The following CLIP4 variants were observed in gnomAD, a reference collection of about 807,000 sequenced individuals.
The protein encoded by CLIP4 is CAP-Gly domain containing linker protein family member 4.
In CLIP4, 47 loss-of-function variants were observed where a neutral mutation model predicts 73.1. That is an observed-to-expected ratio of 0.64 (90% confidence interval 0.51 to 0.82). The LOEUF (loss-of-function observed/expected upper bound fraction) is 0.82. Among genes scored for constraint, CLIP4 ranks in the 40% least tolerant of loss-of-function variants. The pLI, the probability that CLIP4 is intolerant of heterozygous loss-of-function variation, is 0.00. For synonymous variants in CLIP4, 306 were observed against 295.4 expected, an observed-to-expected ratio of 1.04 and a Z score of -0.37; for missense variants, 874 against 852.9, an observed-to-expected ratio of 1.02 and a Z score of -0.31.
chr2:29,161,709 C>A (rs1263462619), intron 12 of CLIP4, among the ~76,000 whole-genome samples: 1 of 152,128 alleles, frequency 6.6e-6, no homozygotes, highest in African/African-American at 2.4e-5. Context: ...GTTTTTTGTT[C>A]CAGGAGAGGA....
intron 1 of CLIP4, among the ~76,000 whole-genome samples, chr2:29,117,002 A>G (rs930243892): frequency 2.6e-5 from 4 of 152,216 alleles, no homozygotes; most frequent in African/African-American, 4.8e-5. Context: ...TCCCTGTTCA[A>G]ACCTCAAACT....
At chr2:29,133,952 G>T (rs1665166170) in intron 5 of CLIP4, 136 bp downstream of exon 5, 6 of 697,152 alleles carry the variant, frequency 8.6e-6, no homozygotes, top group Non-Finnish European at 2.2e-6. Context: ...TTATTTCTGA[G>T]ATAGTTTAAA....
intron 10 of CLIP4, among the ~76,000 whole-genome samples, 161 bp downstream of exon 10, chr2:29,156,604 G>C (rs1666939419): frequency 6.6e-6 from 1 of 152,124 alleles, no homozygotes; most frequent in Non-Finnish European, 1.5e-5. Flanking sequence ...CTCATAGCAA[G>C]CTATATACAT....
At chr2:29,151,443 G>C (rs1169770399) in intron 8 of CLIP4, among the ~76,000 whole-genome samples, 1 of 152,022 alleles carries the variant, frequency 6.6e-6, no homozygotes, top group Non-Finnish European at 1.5e-5. Context: ...GTGTGTGTTA[G>C]GGAAGGAAAA....
intron 7 of CLIP4, 109 bp from the exon 8 acceptor site, chr2:29,145,123 T>A (rs565832402): frequency 6.9e-6 from 6 of 875,276 alleles, no homozygotes; most frequent in Non-Finnish European, 1.0e-5. Context: ...AAATTCACTT[T>A]GAGAGAGTGA....
chr2:29,163,158 C>G lies in CLIP4; in HGVS notation c.1535-673C>G, dbSNP rs535876721. 1.3e-5 allele frequency among the ~76,000 whole-genome samples: 2 copies of G among 151,922 alleles called. 1 individual carries two copies. The highest frequency in any genetic ancestry group is 1.3e-4 in the Admixed American group (2 of 15,262). ...CCTTGCTACTTTAATTTTAGGCTGT[C>G]TAGAAAAGGAAATCCTGTTATTTCC... On this transcript the variant is annotated intron_variant, in intron 12 of 15. Coordinates refer to ENST00000320081, the MANE Select transcript of CLIP4 (RefSeq NM_024692.6).
intron 1 of CLIP4, among the ~76,000 whole-genome samples, chr2:29,109,292 T>C (rs935893757): frequency 6.6e-6 from 1 of 152,178 alleles, no homozygotes. Context: ...TGTGCCACAG[T>C]GGCAATTTTC....
In CLIP4 at chr2:29,103,461, A is replaced by G. The variant is rs75508360; in HGVS notation, c.-16+5514A>G. 7.3e-3 allele frequency among the ~76,000 whole-genome samples: 1,113 copies of G among 152,030 alleles called. 12 individuals are homozygous for G. The highest frequency in any genetic ancestry group is 0.025 in the African/African-American group (1,047 of 41,516). On this transcript the variant is annotated intron_variant, in intron 1 of 14. Coordinates refer to the CLIP4 transcript ENST00000401605. ...ATATATATAATTTTAACACTTATTG[A>G]GTAATTATTCAACATCAGGGAGTGT...
chr2:29,157,155 G>T (rs1240792597), intron 10 of CLIP4, 49 bp from the exon 11 acceptor site: 2 of 1,527,630 alleles, frequency 1.3e-6, no homozygotes, highest in South Asian at 2.3e-5. Flanking sequence ...GCTGCTTCTT[G>T]GTCCACATCT....
At chr2:29,138,256 T>C (rs1665512782) in intron 6 of CLIP4, among the ~76,000 whole-genome samples, 2 of 152,078 alleles carry the variant, frequency 1.3e-5, no homozygotes, top group African/African-American at 4.8e-5. Context: ...CATCTATGAG[T>C]AGAGTGTCCT....
chr2:29,108,677 G>A (rs1668302288), intron 1 of CLIP4, among the ~76,000 whole-genome samples: 1 of 152,046 alleles, frequency 6.6e-6, no homozygotes, highest in Non-Finnish European at 1.5e-5. Context: ...TTATTTTTAA[G>A]GGAGCACATT....
chr2:29,146,465 T>G (rs139686443), intron 8 of CLIP4, among the ~76,000 whole-genome samples: 300 of 152,334 alleles, frequency 2.0e-3, no homozygotes, highest in Non-Finnish European at 3.5e-3. Flanking sequence ...CTGACAAATG[T>G]TTAAGTAAAT....
intron 12 of CLIP4, among the ~76,000 whole-genome samples, chr2:29,161,127 A>T (rs1368579958): frequency 6.6e-6 from 1 of 152,124 alleles, no homozygotes; most frequent in African/African-American, 2.4e-5. Context: ...GGCATGCGCC[A>T]CCACGCCCCG....
At chr2:29,150,021 C>G (rs1031681635) in intron 8 of CLIP4, among the ~76,000 whole-genome samples, 17 of 152,154 alleles carry the variant, frequency 1.1e-4, no homozygotes, top group Non-Finnish European at 2.9e-5. Context: ...TACATTTTCT[C>G]TCCTTTTCGT....
At chr2:29,163,295 G>A (rs1667406066) in intron 12 of CLIP4, among the ~76,000 whole-genome samples, 1 of 151,726 alleles carries the variant, frequency 6.6e-6, no homozygotes, top group South Asian at 2.1e-4. Context: ...TTTACCTTGG[G>A]TGGAAAAAAG....
chr2:29,157,164 C>T, intron 10 of CLIP4, 40 bp from the exon 11 acceptor site: 1 of 1,581,732 alleles, frequency 6.3e-7, no homozygotes, highest in South Asian at 1.1e-5. Context: ...TGGTCCACAT[C>T]TTATTTTCCA....
intron 8 of CLIP4, 126 bp from the exon 9 acceptor site, chr2:29,152,559 C>T (rs1666643817): frequency 5.3e-6 from 5 of 935,558 alleles, no homozygotes; most frequent in African/African-American, 1.7e-5. Context: ...TTTTTCCTCT[C>T]ATCATAGGAC....
intron 6 of CLIP4, among the ~76,000 whole-genome samples, chr2:29,135,870 A>G (rs1665317209): frequency 6.6e-6 from 1 of 152,142 alleles, no homozygotes; most frequent in South Asian, 2.1e-4. Flanking sequence ...TTATATTGAT[A>G]AGTCCCATTC....
At chr2:29,131,461 C>T in intron 3 of CLIP4, 64 bp downstream of exon 3, 1 of 1,499,710 alleles carries the variant, frequency 6.7e-7, no homozygotes, top group Non-Finnish European at 8.9e-7. Flanking sequence ...GATTTTTTTC[C>T]CCATCTGAAA....
Sources: allele counts gnomAD v4.1 joint callset (sites outside exome capture counted in the v4.1 genomes callset), GRCh38; gene constraint gnomAD v4.1.1; transcripts MANE v1.5; gene names NCBI Gene and HGNC (gene_info 2026-07-23, HGNC 2026-07-21).